Variants in ZNF343 observed in about 807,000 individuals in gnomAD.
ZNF343 encodes the protein zinc finger protein 343.
ZNF343 carries 11 observed loss-of-function variants against 13.8 expected under a neutral mutation model. The ratio of observed to expected loss-of-function variants is 0.80; its 90% CI spans 0.50 to 1.32. The LOEUF (loss-of-function observed/expected upper bound fraction) is 1.32. Among genes scored for constraint, ZNF343 ranks in the 40% most tolerant of loss-of-function variants. The pLI is 0.00. For missense variants in ZNF343, 658 were observed against 714.2 expected, an observed-to-expected ratio of 0.92 and a Z score of 0.90; for synonymous variants, 248 against 260.0, an observed-to-expected ratio of 0.95 and a Z score of 0.44.
At position 2,495,923 on chromosome 20, in the gene ZNF343, G is replaced by A. The variant is rs558236163; in HGVS notation, c.-149-1879C>T. ...TCTCGAACTCCTGACTTTGTGATCC[G>A]TCTGCCTCGGCCTCCCAACGCGCTG... is the stretch of plus-strand genomic sequence containing the variant. On this transcript the variant is annotated intron_variant, in intron 2 of 5. Coordinates refer to ENST00000278772, the MANE Select transcript of ZNF343 (RefSeq NM_024325.6). Among the ~76,000 whole-genome samples, 105 of 152,094 alleles carry A rather than the reference G, an allele frequency of 6.9e-4. 3 individuals are homozygous for A. In the South Asian group the frequency reaches 0.021, roughly 30 times the overall value.
At chr20:2,514,017 T>C (rs1413079457) in intron 1 of ZNF343, among the ~76,000 whole-genome samples, 4 of 152,178 alleles carry the variant, frequency 2.6e-5, no homozygotes, top group Non-Finnish European at 4.4e-5. Flanking sequence ...AGGATTCCCT[T>C]TTGGGGCGAT....
intron 2 of ZNF343, among the ~76,000 whole-genome samples, chr20:2,496,996 C>T (rs1430098209): frequency 6.6e-6 from 1 of 152,080 alleles, no homozygotes; most frequent in Non-Finnish European, 1.5e-5. Context: ...AGGAGAATTG[C>T]TTGAACCCGG....
chr20:2,488,640 A>T, intron 5 of ZNF343, among the ~76,000 whole-genome samples: 1 of 151,256 alleles, frequency 6.6e-6, no homozygotes, highest in African/African-American at 2.4e-5. Flanking sequence ...CTATTTTTCC[A>T]CCTTTATTTT....
rs749376141 is a variant in ZNF343, at chr20:2,493,555, G to A, written c.141C>T (p.Asp47=). ...KAKGLPSNDT[D]CPQKKEGKAQ... ...CCTTTCCCTCCTTTTTCTGGGGGCA[G>A]TCAGTATCATTAGAAGGCAAGCCTA... The change falls in exon 4 of 6, where the codon GAC becomes GAT. Residue 47 remains aspartate, a synonymous_variant. Coordinates refer to ENST00000278772, the MANE Select transcript of ZNF343 (RefSeq NM_024325.6). 4.3e-6 allele frequency: 7 copies of A among 1,613,616 alleles called. No individual in the cohort carries two copies. Among genetic ancestry groups the A allele is most frequent in the Non-Finnish European group, 5.9e-6 (7 of 1,179,892 alleles).
upstream of ZNF343, among the ~76,000 whole-genome samples, chr20:2,512,919 C>CAAAAAAAA (rs71193970): frequency 8.0e-6 from 1 of 125,356 alleles, no homozygotes; most frequent in African/African-American, 3.0e-5. Flanking sequence ...ATTTCTCTAC[C>CAAAAAAAA]AAAAAAAAAA....
chr20:2,504,789 A>G (rs1418404574), intron 1 of ZNF343, among the ~76,000 whole-genome samples: 1 of 152,218 alleles, frequency 6.6e-6, no homozygotes, highest in African/African-American at 2.4e-5. Context: ...TGAGGTATTG[A>G]TGGGACATAT....
chr20:2,496,558 G>A (rs2085462303), intron 2 of ZNF343, among the ~76,000 whole-genome samples: 1 of 152,152 alleles, frequency 6.6e-6, no homozygotes, highest in Non-Finnish European at 1.5e-5. Context: ...CTGGCTGGTA[G>A]ACTAGGAACA....
rs1303964770 is a variant in ZNF343, at chr20:2,482,604, T to G, written c.*557A>C. The G allele has an allele frequency of 6.4e-6, 1 of 157,020 alleles. No homozygotes were observed. Among genetic ancestry groups the G allele is most frequent in the Non-Finnish European group, 1.4e-5 (1 of 70,852 alleles). 9.7% of individuals were successfully genotyped at this position (157,020 alleles called of 1,614,324 possible). ...GGAGTGCATCTCTGGAATGCATCTC[T>G]GCCAGCAGCAACACTGTTCTCTCAA... On this transcript the variant is annotated 3_prime_UTR_variant, in exon 6 of 6. Transcript: ENST00000278772.
chr20:2,507,264 CAAA>C (rs775388577), intron 1 of ZNF343, among the ~76,000 whole-genome samples: 1 of 57,792 alleles, frequency 1.7e-5, no homozygotes. Flanking sequence ...AACTGTGTCT[CAAA>C]AAAAAAAAAA....
chr20:2,493,640 C>T (rs1269037870), intron 3 of ZNF343, 63 bp from the exon 4 acceptor site: 16 of 944,404 alleles, frequency 1.7e-5, no homozygotes, highest in South Asian at 7.7e-5. Flanking sequence ...CCCACCATGA[C>T]GCTCCCTGAG....
chr20:2,498,628 TAAC>T, intron 2 of ZNF343, among the ~76,000 whole-genome samples: 1 of 152,298 alleles, frequency 6.6e-6, no homozygotes, highest in East Asian at 1.9e-4. Flanking sequence ...ATATCAATAT[TAAC>T]AATCCCAGTC....
chr20:2,495,339 G>A (rs963867445), intron 2 of ZNF343: 5 of 152,106 alleles, frequency 3.3e-5, no homozygotes, highest in South Asian at 2.1e-4. Flanking sequence ...TTTTATCATC[G>A]TTCCCAATTA....
chr20:2,493,443 G>T, intron 4 of ZNF343, 76 bp downstream of exon 4: 1 of 1,401,384 alleles, frequency 7.1e-7, no homozygotes, highest in South Asian at 1.2e-5. Context: ...CCTTTCCCAA[G>T]AAAGAGAATA....
chr20:2,496,283 G>C (rs2085457649), intron 2 of ZNF343, among the ~76,000 whole-genome samples: 1 of 152,160 alleles, frequency 6.6e-6, no homozygotes. Flanking sequence ...TGTGTCAGTA[G>C]AACTATAAGG....
intron 5 of ZNF343, among the ~76,000 whole-genome samples, chr20:2,485,012 A>G (rs2085260739): frequency 6.6e-6 from 1 of 152,134 alleles, no homozygotes; most frequent in East Asian, 1.9e-4. Context: ...CACATGTGGA[A>G]ATCTCCTTCA....
At chr20:2,507,322 G>T (rs1283481104) in intron 1 of ZNF343, among the ~76,000 whole-genome samples, 1 of 149,210 alleles carries the variant, frequency 6.7e-6, no homozygotes, top group Non-Finnish European at 1.5e-5. Context: ...ATAAGCCTCA[G>T]ATCTGTCAGA....
intron 1 of ZNF343, among the ~76,000 whole-genome samples, chr20:2,503,674 T>C (rs2085607890): frequency 6.6e-6 from 1 of 152,120 alleles, no homozygotes; most frequent in African/African-American, 2.4e-5. Context: ...ACCGCTCAAC[T>C]ACATGGAAAC....
At chr20:2,516,318 C>T (rs2085759370) in intron 1 of ZNF343, among the ~76,000 whole-genome samples, 1 of 152,004 alleles carries the variant, frequency 6.6e-6, no homozygotes, top group Admixed American at 6.6e-5. Context: ...GAGCGAGACC[C>T]TGTCTTCAAA....
At chr20:2,484,759 G>T in intron 5 of ZNF343, 103 bp from the exon 6 acceptor site, 1 of 1,023,414 alleles carries the variant, frequency 9.8e-7, no homozygotes, top group South Asian at 1.6e-5. Flanking sequence ...GCCTATAATT[G>T]ATAATATAAG....
Sources: gnomAD v4.1 joint callset for allele counts (sites outside exome capture counted in the v4.1 genomes callset) on GRCh38, gnomAD v4.1.1 for gene constraint, MANE v1.5 for transcripts, NCBI Gene and HGNC (gene_info 2026-07-23, HGNC 2026-07-21) for gene names.